DNAI3: variants seen among roughly 807,000 people sequenced by gnomAD.
The protein encoded by DNAI3 is dynein axonemal intermediate chain 3, also known as WD repeat domain 63.
Under a neutral mutation model 115.5 loss-of-function variants are expected in DNAI3, and 83 were observed. That is an observed-to-expected ratio of 0.72 (90% CI 0.60 to 0.86). The LOEUF is 0.86. Among genes scored for constraint, DNAI3 ranks in the 40% least tolerant of loss-of-function variants. The probability of loss-of-function intolerance (pLI) is 0.00; values close to 1 mark genes in which losing one functional copy is unlikely to be tolerated. For synonymous variants in DNAI3, 320 were observed against 347.0 expected (o/e 0.92, Z 0.86); for missense variants, 1,004 against 1,075.8 (o/e 0.93, Z 0.93).
rs1654931065 is a variant in DNAI3 at position 85,090,221 on chromosome 1, T to C, written c.846T>C (p.Asn282=). The stretch of plus-strand genomic sequence containing the variant: ...AGCCTTTGGTTGATTTTCTTAACAA[T>C]GCATCCATAAGGTAAAAAATTGCAT... ...QSKPLVDFLN[N]ASISVEIALQ... Residue 282 remains asparagine (N), a synonymous_variant, in exon 8 of 23, where the codon AAT becomes AAC. Coordinates refer to ENST00000294664, the MANE Select transcript of DNAI3 (RefSeq NM_145172.5). 2 of 1,559,296 alleles carry C rather than the reference T, an allele frequency of 1.3e-6. No homozygotes were observed. Among genetic ancestry groups the C allele is most frequent in the Middle Eastern group, 1.7e-4 (1 of 5,818 alleles).
At chr1:85,119,277 GT>G (rs1229523952) in intron 17 of DNAI3, among the ~76,000 whole-genome samples, 1 of 152,154 alleles carries the variant, frequency 6.6e-6, no homozygotes, top group African/African-American at 2.4e-5. Flanking sequence ...CACCATCCAT[GT>G]CCAGAACTTT....
intron 1 of DNAI3, among the ~76,000 whole-genome samples, chr1:85,063,758 G>C (rs1165186827): frequency 2.0e-5 from 3 of 152,192 alleles, no homozygotes; most frequent in Non-Finnish European, 1.5e-5. Flanking sequence ...TTGGCCTCTT[G>C]AGTAGTTGTT....
In DNAI3 at chr1:85,084,765, T is replaced by C. The variant is rs1377540857; in HGVS notation, c.540+70T>C. 8 of 1,298,072 alleles carry C rather than the reference T, an allele frequency of 6.2e-6. No individual in the cohort carries two copies. In the East Asian group the frequency reaches 1.7e-4, roughly 28 times the overall value. 80.4% of individuals were successfully genotyped at this position (1,298,072 alleles called of 1,614,324 possible). On this transcript the variant is annotated intron_variant, in intron 6 of 22. Transcript: ENST00000294664. ...TGAACAACACTTATTCCTGAGGGAT[T>C]CATAAGGTTTACTGTGTTTGCTATG...
intron 13 of DNAI3, among the ~76,000 whole-genome samples, chr1:85,101,644 T>C (rs1434292141): frequency 7.4e-6 from 1 of 135,474 alleles, no homozygotes; most frequent in African/African-American, 2.8e-5. Context: ...GGGAGAATGG[T>C]GTGAACCGGA....
At chr1:85,131,444 C>CAAA (rs750127280) in intron 22 of DNAI3, among the ~76,000 whole-genome samples, 1 of 16,850 alleles carries the variant, frequency 5.9e-5, no homozygotes, top group African/African-American at 1.8e-4. Context: ...AACTCCATCT[C>CAAA]AAAAAAAAAA....
chr1:85,102,315 T>C (rs1655351440), intron 13 of DNAI3, among the ~76,000 whole-genome samples: 1 of 151,934 alleles, frequency 6.6e-6, no homozygotes, highest in South Asian at 2.1e-4. Flanking sequence ...GTATATCACA[T>C]ATACCCCCCA....
chr1:85,112,723 G>A (rs888636320), intron 16 of DNAI3, among the ~76,000 whole-genome samples: 5 of 152,090 alleles, frequency 3.3e-5, no homozygotes, highest in Admixed American at 6.5e-5. Flanking sequence ...ATCTTCCCTG[G>A]TTAAGTGTCT....
chr1:85,101,540 T>C (rs1053721030), intron 13 of DNAI3, among the ~76,000 whole-genome samples: 4 of 151,434 alleles, frequency 2.6e-5, no homozygotes, highest in Non-Finnish European at 4.4e-5. Flanking sequence ...CTGGCTAACA[T>C]GGTGAAAGCC....
At chr1:85,119,300 A>G (rs1049716713) in intron 17 of DNAI3, among the ~76,000 whole-genome samples, 1 of 152,216 alleles carries the variant, frequency 6.6e-6, no homozygotes, top group Non-Finnish European at 1.5e-5. Flanking sequence ...CCTCATCCCA[A>G]ACTGGGCGTC....
chr1:85,071,847 A>T, intron 1 of DNAI3, 81 bp from the exon 2 acceptor site: 1 of 1,297,442 alleles, frequency 7.7e-7, no homozygotes, highest in Non-Finnish European at 1.1e-6. Flanking sequence ...TATGTTTATT[A>T]AATGATAATG....
intron 13 of DNAI3, among the ~76,000 whole-genome samples, chr1:85,101,356 A>G (rs17121199): frequency 0.018 from 2,769 of 152,274 alleles, 84 homozygotes; most frequent in African/African-American, 0.063. Flanking sequence ...TAATACAAGT[A>G]AAGGAACTTC....
rs745408608 is a variant in DNAI3 at position 85,081,395 on chromosome 1, C to A, written c.265C>A (p.Pro89Thr). The A allele has an allele frequency of 8.9e-6, 14 of 1,575,150 alleles. No homozygotes were observed. The East Asian group carries it at 2.8e-4, about 31-fold the overall frequency. ...RNRAAVSDFH[P>T]VKKIVQEYPG... ...CAGAGCTGCAGTATCTGATTTCCAC[C>A]CAGTCAAAAAAATTGTCCAGGTAAG... The change falls in exon 4 of 23, where the codon CCA becomes ACA. Residue 89 changes from proline to threonine, a missense_variant. Around this residue, in one of 3 missense-constraint regions of DNAI3, gnomAD observed 550 missense variants for 568.1 expected, o/e 0.97. Transcript: ENST00000294664.
chr1:85,066,314 CTT>C (rs57553075), intron 1 of DNAI3, among the ~76,000 whole-genome samples: 11 of 70,014 alleles, frequency 1.6e-4, no homozygotes, highest in African/African-American at 5.5e-4. Context: ...TTCTGCTACT[CTT>C]TTTTTTTTTT....
rs1296334433 is a variant in DNAI3 at position 85,117,847 on chromosome 1, T to C, written c.1905T>C (p.Phe635=). Residue 635 remains phenylalanine (F), a synonymous_variant, in exon 17 of 23, where the codon TTT becomes TTC. Coordinates refer to ENST00000294664, the MANE Select transcript of DNAI3 (RefSeq NM_145172.5). ...TAGATGACTTCTGCACAAAGTTCTTTGTGGGAACAGAGGTAAATTGGGATT... is the reference window on the plus strand; with the variant it reads ...TAGATGACTTCTGCACAAAGTTCTTCGTGGGAACAGAGGTAAATTGGGATT... ...KPIDDFCTKF[F]VGTEEGEVIY... 6.2e-7 allele frequency: 1 copy of C among 1,612,960 alleles called. No individual in the cohort carries two copies. Among genetic ancestry groups the C allele is most frequent in the East Asian group, 2.2e-5 (1 of 44,862 alleles).
chr1:85,118,760 A>G (rs1009814300), intron 17 of DNAI3, among the ~76,000 whole-genome samples: 1 of 152,082 alleles, frequency 6.6e-6, no homozygotes, highest in Non-Finnish European at 1.5e-5. Flanking sequence ...CATGATAAAC[A>G]CCAACACCAG....
At chr1:85,085,558 T>C (rs189002624) in intron 6 of DNAI3, among the ~76,000 whole-genome samples, 32 of 152,316 alleles carry the variant, frequency 2.1e-4, no homozygotes, top group Non-Finnish European at 4.4e-4. Flanking sequence ...GAGAGGGGTT[T>C]ATGTATCCCT....
At chr1:85,082,523 C>A (rs950896390) in intron 5 of DNAI3, 119 bp downstream of exon 5, 36 of 738,704 alleles carry the variant, frequency 4.9e-5, no homozygotes, top group Non-Finnish European at 7.7e-5. Context: ...ATGGTCACTG[C>A]AACGTCAATC....
At chr1:85,103,051 T>C (rs551662301) in intron 13 of DNAI3, among the ~76,000 whole-genome samples, 1 of 152,256 alleles carries the variant, frequency 6.6e-6, no homozygotes, top group African/African-American at 2.4e-5. Context: ...CCATCAGGTT[T>C]GTGATTGTTT....
intron 16 of DNAI3, among the ~76,000 whole-genome samples, chr1:85,110,655 A>T (rs1248195560): frequency 6.6e-6 from 1 of 152,092 alleles, no homozygotes; most frequent in African/African-American, 2.4e-5. Flanking sequence ...AAAAAGATTC[A>T]GTTCATTTCA....
Sources: allele counts gnomAD v4.1 joint callset (sites outside exome capture counted in the v4.1 genomes callset), GRCh38; gene constraint gnomAD v4.1.1; regional missense constraint gnomAD v4.1.1; transcripts MANE v1.5; gene names NCBI Gene and HGNC (gene_info 2026-07-23, HGNC 2026-07-21).